Variants in ZRANB3 observed in about 807,000 individuals in gnomAD.
ZRANB3 encodes zinc finger RANBP2-type containing 3.
Under a neutral mutation model 133.8 loss-of-function variants are expected in ZRANB3, and 125 were observed. The observed-to-expected ratio is 0.93, with a 90% CI of 0.81 to 1.08. ZRANB3 has a LOEUF of 1.08. Ranked by LOEUF, ZRANB3 falls within the 50% of genes least tolerant of loss-of-function variation. The pLI is 0.00. For synonymous variants in ZRANB3, 387 were observed against 432.7 expected, an observed-to-expected ratio of 0.89 and a Z score of 1.31; for missense variants, 1,229 against 1,275.5, an observed-to-expected ratio of 0.96 and a Z score of 0.56.
intron 2 of ZRANB3, among the ~76,000 whole-genome samples, chr2:135,451,149 A>C (rs902945833): frequency 6.6e-6 from 1 of 152,240 alleles, no homozygotes; most frequent in Non-Finnish European, 1.5e-5. Context: ...CAGGCCCTAA[A>C]GGATCAAACC....
At chr2:135,427,702 T>A (rs1264820245) in intron 2 of ZRANB3, among the ~76,000 whole-genome samples, 3 of 152,150 alleles carry the variant, frequency 2.0e-5, no homozygotes, top group African/African-American at 7.2e-5. Context: ...AAGAGCTATT[T>A]TAAAATTCAT....
At chr2:135,360,498 G>A (rs957354425) in intron 3 of ZRANB3, among the ~76,000 whole-genome samples, 1 of 152,048 alleles carries the variant, frequency 6.6e-6, no homozygotes, top group Non-Finnish European at 1.5e-5. Context: ...AAGGTCAGGA[G>A]ATCGAGACCA....
chr2:135,448,056 T>C (rs541319422), intron 2 of ZRANB3, among the ~76,000 whole-genome samples: 59 of 152,292 alleles, frequency 3.9e-4, no homozygotes, highest in Middle Eastern at 3.4e-3. Context: ...TTCCCAAATA[T>C]GTATGCTAAA....
intron 2 of ZRANB3, among the ~76,000 whole-genome samples, chr2:135,464,147 A>C (rs1464498783): frequency 6.6e-6 from 1 of 152,234 alleles, no homozygotes; most frequent in African/African-American, 2.4e-5. Context: ...GTTATCATCC[A>C]TGAAAAGAAA....
In ZRANB3 at chr2:135,197,680, T is replaced by C. The variant is rs1301417034; in HGVS notation, c.*2662A>G. The C allele has an allele frequency of 1.3e-5, 2 of 152,288 alleles. No individual in the cohort carries two copies. The highest frequency in any genetic ancestry group is 4.8e-5 in the African/African-American group (2 of 41,474). 9.4% of individuals were successfully genotyped at this position (152,288 alleles called of 1,614,324 possible). ...GAAGGCAGGCCAGCCTGATGCTGGC[T>C]GTGCAAGGTTTGAGTGTGTGAGCCC... On this transcript the variant is annotated 3_prime_UTR_variant, in exon 21 of 21. Coordinates refer to ENST00000264159, the MANE Select transcript of ZRANB3 (RefSeq NM_032143.4).
intron 12 of ZRANB3, among the ~76,000 whole-genome samples, chr2:135,245,377 C>T (rs1206676327): frequency 6.6e-6 from 1 of 152,172 alleles, no homozygotes; most frequent in African/African-American, 2.4e-5. Flanking sequence ...GTGAGAAAAT[C>T]TCTTTGATAT....
intron 8 of ZRANB3, among the ~76,000 whole-genome samples, chr2:135,311,271 C>T (rs1420447932): frequency 6.6e-6 from 1 of 152,168 alleles, no homozygotes; most frequent in Non-Finnish European, 1.5e-5. Flanking sequence ...GATGCCACTA[C>T]ATACCGACAA....
At chr2:135,220,445 C>T (rs540743085) in intron 15 of ZRANB3, among the ~76,000 whole-genome samples, 54 of 151,900 alleles carry the variant, frequency 3.6e-4, no homozygotes, top group African/African-American at 1.2e-3. Context: ...CATGCCTGTA[C>T]TCCCAGCACT....
At chr2:135,410,068 A>G (rs924474253) in intron 2 of ZRANB3, among the ~76,000 whole-genome samples, 1 of 152,218 alleles carries the variant, frequency 6.6e-6, no homozygotes, top group African/African-American at 2.4e-5. Context: ...TGCCTAAAGC[A>G]AAGTACAGAT....
intron 2 of ZRANB3, among the ~76,000 whole-genome samples, chr2:135,462,794 T>C (rs943546858): frequency 2.8e-4 from 43 of 152,290 alleles, no homozygotes; most frequent in Admixed American, 7.2e-4. Context: ...GGTTTCGCCA[T>C]GTTGGCCAGG....
chr2:135,504,164 A>T, intron 2 of ZRANB3, 165 bp downstream of exon 2: 1 of 760,152 alleles, frequency 1.3e-6, no homozygotes, highest in South Asian at 1.5e-5. Flanking sequence ...ATATTTCAAC[A>T]TGAAGTATAA....
chr2:135,309,963 G>T (rs1558906434), intron 8 of ZRANB3, among the ~76,000 whole-genome samples: 1 of 152,182 alleles, frequency 6.6e-6, no homozygotes, highest in Admixed American at 6.5e-5. Context: ...TGGAGACAGA[G>T]TCTTGCTCTG....
intron 3 of ZRANB3, among the ~76,000 whole-genome samples, chr2:135,373,818 C>CGGAG (rs1686297369): frequency 2.3e-5 from 1 of 43,314 alleles, no homozygotes; most frequent in South Asian, 1.1e-3. Context: ...GGGGAGGGGA[C>CGGAG]GGGAGGGGAA....
chr2:135,448,330 T>C lies in ZRANB3; in HGVS notation c.161+55999A>G, dbSNP rs1270404665. Among the ~76,000 whole-genome samples, 3 of 152,204 alleles carry C rather than the reference T, an allele frequency of 2.0e-5. No homozygotes were observed. The South Asian group carries it at 6.2e-4, about 32-fold the overall frequency. ...AATTGTTGAGTTGACATCAATAAAATGTTGACATTTATCTGAACAGCCGCT... is the reference window on the plus strand; with the variant it reads ...AATTGTTGAGTTGACATCAATAAAACGTTGACATTTATCTGAACAGCCGCT... On this transcript the variant is annotated intron_variant, in intron 2 of 20. Coordinates refer to ENST00000264159, the MANE Select transcript of ZRANB3 (RefSeq NM_032143.4).
chr2:135,234,207 ATAATGG>A lies in ZRANB3; in HGVS notation c.1540-3286_1540-3281del, dbSNP rs1444399378. On this transcript the variant is annotated intron_variant, in intron 12 of 20. Transcript: ENST00000264159. ...CAAAAGAGACAAAGAAGGCCATTAC[ATAATGG>A]TAAAGGGATCAATTCAACAAGAAGA... Among the ~76,000 whole-genome samples, 4 of 152,240 alleles carry A rather than the reference ATAATGG, an allele frequency of 2.6e-5. No homozygotes were observed. The East Asian group carries it at 7.7e-4, about 29-fold the overall frequency.
At chr2:135,379,033 T>C (rs899524190) in intron 3 of ZRANB3, among the ~76,000 whole-genome samples, 1 of 152,160 alleles carries the variant, frequency 6.6e-6, no homozygotes, top group Non-Finnish European at 1.5e-5. Context: ...GGTCTTCAGT[T>C]AATAATAATA....
At chr2:135,229,524 C>A (rs1048423606) in intron 13 of ZRANB3, among the ~76,000 whole-genome samples, 1 of 151,694 alleles carries the variant, frequency 6.6e-6, no homozygotes, top group Admixed American at 6.6e-5. Context: ...CCCGCTACCA[C>A]GCCCGGCTAA....
intron 1 of ZRANB3, among the ~76,000 whole-genome samples, chr2:135,527,167 TCTC>T (rs1694198128): frequency 2.0e-5 from 3 of 152,026 alleles, no homozygotes; most frequent in African/African-American, 7.3e-5. Context: ...TCAGCATAAA[TCTC>T]CTCATATTTT....
intron 2 of ZRANB3, among the ~76,000 whole-genome samples, chr2:135,466,773 GC>G (rs1429418787): frequency 2.6e-4 from 39 of 151,802 alleles, no homozygotes; most frequent in African/African-American, 9.2e-4. Context: ...CACCTCCCAG[GC>G]TCAACCAGTT....
Sources: allele counts gnomAD v4.1 joint callset (sites outside exome capture counted in the v4.1 genomes callset), GRCh38; gene constraint gnomAD v4.1.1; transcripts MANE v1.5; gene names NCBI Gene and HGNC (gene_info 2026-07-23, HGNC 2026-07-21).